The following MICAL2 variants were observed in gnomAD, a reference collection of about 807,000 sequenced individuals.
MICAL2 encodes [F-actin]-monooxygenase MICAL2.
Under a neutral mutation model 127.3 loss-of-function variants are expected in MICAL2, and 77 were observed. The ratio of observed to expected loss-of-function variants is 0.60; its 90% confidence interval spans 0.50 to 0.73. The LOEUF (loss-of-function observed/expected upper bound fraction) is 0.73. Among genes scored for constraint, MICAL2 ranks in the 30% least tolerant of loss-of-function variants. MICAL2 has a pLI of 0.00. For missense variants in MICAL2, 1,351 were observed against 1,434.4 expected (o/e 0.94, Z 0.94); for synonymous variants, 570 against 551.1 (o/e 1.03, Z -0.48).
intron 22 of MICAL2, chr11:12,254,977 G>T (rs1862131825): frequency 7.6e-6 from 1 of 131,784 alleles, no homozygotes; most frequent in Non-Finnish European, 1.5e-5. Flanking sequence ...GGAGTACAAT[G>T]GTACGATCTC....
intron 25 of MICAL2, 148 bp from the exon 26 acceptor site, chr11:12,259,647 C>T (rs879572802): frequency 2.9e-5 from 19 of 665,068 alleles, no homozygotes; most frequent in Middle Eastern, 3.9e-4. Flanking sequence ...TGTTCAGCAC[C>T]GGCTTCAGCA....
At chr11:12,239,256 G>A (rs571035959) in intron 16 of MICAL2, among the ~76,000 whole-genome samples, 180 bp from the exon 17 acceptor site, 1 of 152,286 alleles carries the variant, frequency 6.6e-6, no homozygotes, top group Admixed American at 6.5e-5. Context: ...TTGGAAAGAC[G>A]CATCCCTCCT....
chr11:12,225,237 G>A (rs138143574), intron 13 of MICAL2, among the ~76,000 whole-genome samples: 1 of 152,292 alleles, frequency 6.6e-6, no homozygotes, highest in Non-Finnish European at 1.5e-5. Context: ...GTGTGTCCTT[G>A]GGCAAGCCAC....
chr11:12,247,774 G>T (rs973984240), intron 21 of MICAL2, among the ~76,000 whole-genome samples: 1 of 152,244 alleles, frequency 6.6e-6, no homozygotes, highest in Non-Finnish European at 1.5e-5. Context: ...AGTAGGTGAT[G>T]ATTTGGTGAT....
At chr11:12,223,830 G>T (rs924162609) in intron 12 of MICAL2, among the ~76,000 whole-genome samples, 50 of 152,206 alleles carry the variant, frequency 3.3e-4, no homozygotes, top group Non-Finnish European at 8.8e-5. Context: ...GTCCCCTTAA[G>T]TAGATAATGA....
At chr11:12,334,151 C>G (rs1298722288) in intron 32 of MICAL2, among the ~76,000 whole-genome samples, 1 of 152,138 alleles carries the variant, frequency 6.6e-6, no homozygotes, top group Non-Finnish European at 1.5e-5. Context: ...GGAAAATATA[C>G]AGTCACACTC....
At chr11:12,173,452 G>T (rs1277543338) in intron 3 of MICAL2, among the ~76,000 whole-genome samples, 1 of 152,186 alleles carries the variant, frequency 6.6e-6, no homozygotes, top group African/African-American at 2.4e-5. Context: ...GCTGCCTGTT[G>T]CTCCTCTCTA....
At chr11:12,202,931 C>T (rs1854209306) in intron 3 of MICAL2, among the ~76,000 whole-genome samples, 1 of 152,212 alleles carries the variant, frequency 6.6e-6, no homozygotes, top group Admixed American at 6.5e-5. Context: ...AGCGGTCATT[C>T]CCCAATTCTC....
At chr11:12,270,570 G>T (rs1304030333) in intron 24 of MICAL2, among the ~76,000 whole-genome samples, 2 of 152,174 alleles carry the variant, frequency 1.3e-5, no homozygotes, top group African/African-American at 4.8e-5. Flanking sequence ...CTTCATCCCT[G>T]TTTGGCTTTT....
At chr11:12,162,000 C>CA (rs1179989067) in intron 2 of MICAL2, 79 bp from the exon 3 acceptor site, 8 of 871,282 alleles carry the variant, frequency 9.2e-6, no homozygotes, top group Middle Eastern at 3.5e-4. Flanking sequence ...AAAGAAATTG[C>CA]ATTTTTACTT....
At chr11:12,326,907 T>C (rs1211699550) in intron 31 of MICAL2, among the ~76,000 whole-genome samples, 1 of 152,220 alleles carries the variant, frequency 6.6e-6, no homozygotes, top group Non-Finnish European at 1.5e-5. Context: ...ACATCTGTGA[T>C]TGGCCTTGTC....
At chr11:12,143,131 T>C (rs1565028205) in intron 2 of MICAL2, among the ~76,000 whole-genome samples, 1 of 152,148 alleles carries the variant, frequency 6.6e-6, no homozygotes, top group Non-Finnish European at 1.5e-5. Flanking sequence ...GAAGACTGCA[T>C]TACCAAGGAG....
At chr11:12,353,838 C>T (rs1209214579) in intron 33 of MICAL2, among the ~76,000 whole-genome samples, 2 of 152,196 alleles carry the variant, frequency 1.3e-5, no homozygotes, top group Admixed American at 6.5e-5. Flanking sequence ...GTCCCCCACC[C>T]CACCCACACA....
chr11:12,130,204 G>A (rs1851301094), intron 1 of MICAL2, among the ~76,000 whole-genome samples: 1 of 152,198 alleles, frequency 6.6e-6, no homozygotes, highest in Admixed American at 6.5e-5. Flanking sequence ...GAGACAATGG[G>A]GGAGAGCATT....
intron 25 of MICAL2, 167 bp from the exon 26 acceptor site, chr11:12,259,628 A>C: frequency 1.8e-6 from 1 of 556,562 alleles, no homozygotes; most frequent in Admixed American, 3.8e-5. Flanking sequence ...GCCCCTAGAA[A>C]AGTGCCCGTG....
chr11:12,253,677 C>T (rs1408033665), intron 22 of MICAL2: 1 of 152,200 alleles, frequency 6.6e-6, no homozygotes, highest in Non-Finnish European at 1.5e-5. Context: ...AACACGGTTA[C>T]TGGTTTATTA....
In MICAL2 at chr11:12,252,220, T is replaced by C. The variant is rs78679865; in HGVS notation, c.2847+2974T>C. The stretch of plus-strand genomic sequence containing the variant: ...ACAATGGCTTATTGTCCTGAGCTGA[T>C]ACACCTGAACCTTTCTTGGAAGCAG... On this transcript the variant is annotated intron_variant, in intron 22 of 27. Transcript: ENST00000683283. Among the ~76,000 whole-genome samples, 376 of 152,334 alleles carry C rather than the reference T, an allele frequency of 2.5e-3. 2 individuals are homozygous for C. The highest frequency in any genetic ancestry group is 4.4e-3 in the Non-Finnish European group (299 of 68,024).
intron 34 of MICAL2, chr11:12,358,174 C>CT (rs1939157268): frequency 3.0e-6 from 3 of 987,042 alleles, no homozygotes; most frequent in Admixed American, 2.7e-5. Context: ...AATTCATTTC[C>CT]TTGTTTTCTC....
At chr11:12,297,372 G>T (rs578069090) in intron 29 of MICAL2, among the ~76,000 whole-genome samples, 29 of 152,208 alleles carry the variant, frequency 1.9e-4, no homozygotes, top group Non-Finnish European at 3.5e-4. Flanking sequence ...CTATTGGTTT[G>T]TTGGGTTTTT....
Sources: allele counts gnomAD v4.1 joint callset (sites outside exome capture counted in the v4.1 genomes callset), GRCh38; gene constraint gnomAD v4.1.1; transcripts MANE v1.5; gene names NCBI Gene and HGNC (gene_info 2026-07-23, HGNC 2026-07-21).